The following CRACD variants were observed in gnomAD, a reference collection of about 807,000 sequenced individuals.
CRACD encodes the protein capping protein inhibiting regulator of actin dynamics, also known as capping protein-inhibiting regulator of actin dynamics.
CRACD carries 56 observed loss-of-function variants against 106.8 expected under a neutral mutation model. The ratio of observed to expected loss-of-function variants is 0.52; its 90% confidence interval spans 0.42 to 0.66. The LOEUF (loss-of-function observed/expected upper bound fraction) is 0.66, where lower values mean the gene tolerates loss of function less well. CRACD is among the 30% of genes least tolerant of loss of function. The probability of loss-of-function intolerance (pLI) is 0.00; values close to 1 mark genes in which losing one functional copy is unlikely to be tolerated. For synonymous variants in CRACD, 754 were observed against 670.8 expected, an observed-to-expected ratio of 1.12 and a Z score of -1.92; for missense variants, 1,730 against 1,623.2, an observed-to-expected ratio of 1.07 and a Z score of -1.13.
At chr4:56,324,638 G>A (rs1746314055) in intron 10 of CRACD, among the ~76,000 whole-genome samples, 1 of 152,194 alleles carries the variant, frequency 6.6e-6, no homozygotes, top group Admixed American at 6.5e-5. Context: ...GGCAGTATGA[G>A]CCATCTCCAG....
rs531442625 is a variant in CRACD, at chr4:56,086,740, C to T, written c.-336+37441C>T. On this transcript the variant is annotated intron_variant, in intron 1 of 10. Transcript: ENST00000682029. ...AGTGAGTTTCCTCTTATCGTTTCTC[C>T]ATGGAGGCTGTTGGCTGGTGAAGTT... Among the ~76,000 whole-genome samples the T allele has an allele frequency of 2.6e-5, 4 of 152,288 alleles. No individual in the cohort carries two copies. In the East Asian group the frequency reaches 7.7e-4, roughly 29 times the overall value.
rs568052557 is a variant in CRACD, at chr4:56,053,751, A to G, written c.-336+4452A>G. Among the ~76,000 whole-genome samples the G allele has an allele frequency of 1.3e-3, 194 of 152,316 alleles. 1 individual carries two copies. Among genetic ancestry groups the G allele is most frequent in the African/African-American group, 4.4e-3 (182 of 41,572 alleles). On this transcript the variant is annotated intron_variant, in intron 1 of 10. Transcript: ENST00000682029. Reference sequence around the variant, plus strand: ...TGTTGAATTAAGGTTAGTGTTTTCAAAGCTGACAATTTAAAAATCTGAATT... The same window carrying G: ...TGTTGAATTAAGGTTAGTGTTTTCAGAGCTGACAATTTAAAAATCTGAATT...
rs561441482 is a variant in CRACD, at chr4:56,073,781, G to A, written c.-336+24482G>A. On this transcript the variant is annotated intron_variant, in intron 1 of 10. Coordinates refer to ENST00000682029, the MANE Select transcript of CRACD (RefSeq NM_001393381.1). ...TTTTAGTCATGAAGCCTTTGCCCATGCCTATGTCCTGAATGGTATTGCCCA... is the reference window on the plus strand; with the variant it reads ...TTTTAGTCATGAAGCCTTTGCCCATACCTATGTCCTGAATGGTATTGCCCA... Among the ~76,000 whole-genome samples, 661 of 130,318 alleles carry A rather than the reference G, an allele frequency of 5.1e-3. 4 individuals carry two copies. Among genetic ancestry groups the A allele is most frequent in the African/African-American group, 0.02 (621 of 31,450 alleles). 85.5% of individuals were successfully genotyped at this position (130,318 alleles called of 152,430 possible). A position where few individuals can be genotyped will look rare whatever the true frequency, so the allele number is the denominator to read the frequency against.
intron 1 of CRACD, among the ~76,000 whole-genome samples, chr4:56,168,970 C>T (rs918037811): frequency 4.6e-5 from 7 of 152,164 alleles, no homozygotes; most frequent in African/African-American, 1.7e-4. Context: ...CAGCAACAAA[C>T]TTCACAAGCC....
intron 1 of CRACD, among the ~76,000 whole-genome samples, chr4:56,113,506 G>T (rs1734185633): frequency 2.0e-5 from 3 of 152,156 alleles, no homozygotes; most frequent in Non-Finnish European, 2.9e-5. Context: ...GCCATGGGAA[G>T]ATACTTCTCC....
Position 56,188,709 on chromosome 4 carries a change from C to G in CRACD, c.-189+9279C>G, listed in dbSNP as rs867202646. ...TCTCACACACACACACACACACACA[C>G]ACAGAGAGAGAGAGAGAGAGAGAGA... is the stretch of plus-strand genomic sequence containing the variant. On this transcript the variant is annotated intron_variant, in intron 2 of 10. Coordinates refer to ENST00000682029, the MANE Select transcript of CRACD (RefSeq NM_001393381.1). Among the ~76,000 whole-genome samples, 985 of 129,680 alleles carry G rather than the reference C, an allele frequency of 7.6e-3. 9 individuals carry two copies. Among genetic ancestry groups the G allele is most frequent in the African/African-American group, 0.029 (869 of 29,994 alleles). The allele number at this position is 129,680 out of a possible 152,430, so 85.1% of individuals were successfully genotyped here.
intron 8 of CRACD, 64 bp from the exon 9 acceptor site, chr4:56,323,313 G>A (rs1198353819): frequency 1.1e-5 from 16 of 1,403,910 alleles, no homozygotes; most frequent in Middle Eastern, 1.8e-4. Context: ...TTTAGGGGGT[G>A]AGGAACTGAG....
At chr4:56,284,821 T>C (rs1307162663) in intron 3 of CRACD, among the ~76,000 whole-genome samples, 1 of 152,190 alleles carries the variant, frequency 6.6e-6, no homozygotes, top group Non-Finnish European at 1.5e-5. Context: ...TTGATTACAG[T>C]AACCGTAAGG....
chr4:56,276,009 AT>A (rs1742652160), intron 3 of CRACD, among the ~76,000 whole-genome samples: 1 of 152,198 alleles, frequency 6.6e-6, no homozygotes, highest in Non-Finnish European at 1.5e-5. Flanking sequence ...ATGACTGAGA[AT>A]AGCTCCTTAT....
In CRACD at chr4:56,250,803, A is replaced by G. The variant is rs76848529; in HGVS notation, c.-188-21518A>G. Among the ~76,000 whole-genome samples, 747 of 152,316 alleles carry G rather than the reference A, an allele frequency of 4.9e-3. 8 individuals carry two copies. Among genetic ancestry groups the G allele is most frequent in the African/African-American group, 0.017 (714 of 41,574 alleles). On this transcript the variant is annotated intron_variant, in intron 2 of 10. Coordinates refer to ENST00000682029, the MANE Select transcript of CRACD (RefSeq NM_001393381.1). ...ACATGTAAAACTTTAAGCCTGGCAC[A>G]TGGCCTAAGTTTAATACAGTATACT...
In CRACD at chr4:56,315,753, C is replaced by T; in HGVS notation, c.2251C>T (p.Leu751=). The change falls in exon 8 of 11, where the codon CTG becomes TTG. Residue 751 remains leucine (L), a synonymous_variant. Transcript: ENST00000682029. The surrounding 1 kb of genome is among the most constrained non-coding windows in gnomAD (Gnocchi z 4.1). The part of the protein sequence containing the change: ...EAESIRKRPM[L]GPSEETAPQP... ...TGAAAGCATACGAAAAAGACCCATG[C>T]TGGGACCCAGCGAAGAGACAGCCCC... The T allele has an allele frequency of 6.2e-7, 1 of 1,614,230 alleles. No individual in the cohort carries two copies. The highest frequency in any genetic ancestry group is 1.3e-5 in the African/African-American group (1 of 75,064).
At chr4:56,263,537 T>C (rs1346386307) in intron 2 of CRACD, among the ~76,000 whole-genome samples, 1 of 152,144 alleles carries the variant, frequency 6.6e-6, no homozygotes, top group African/African-American at 2.4e-5. Flanking sequence ...CATATTGCCT[T>C]CCCTCAGTGT....
chr4:56,220,485 G>A (rs887515111), intron 2 of CRACD, among the ~76,000 whole-genome samples: 6 of 152,132 alleles, frequency 3.9e-5, no homozygotes, highest in Non-Finnish European at 8.8e-5. Context: ...CTGGAAGAAC[G>A]GTACAAGCCT....
At chr4:56,270,977 C>G (rs866356632) in intron 2 of CRACD, among the ~76,000 whole-genome samples, 3 of 151,660 alleles carry the variant, frequency 2.0e-5, no homozygotes, top group Non-Finnish European at 2.9e-5. Context: ...TGGTGGCAGG[C>G]GCCTGTGATC....
At chr4:56,174,047 A>G (rs1736485051) in intron 1 of CRACD, among the ~76,000 whole-genome samples, 1 of 152,246 alleles carries the variant, frequency 6.6e-6, no homozygotes, top group Non-Finnish European at 1.5e-5. Context: ...TCCTTTGTCC[A>G]TTAAATAAAT....
intron 1 of CRACD, among the ~76,000 whole-genome samples, chr4:56,091,086 T>G (rs1733409775): frequency 6.6e-6 from 1 of 152,086 alleles, no homozygotes; most frequent in Admixed American, 6.5e-5. Flanking sequence ...GGGGTCTATC[T>G]CTGTTGCCCA....
intron 2 of CRACD, among the ~76,000 whole-genome samples, chr4:56,259,010 C>T (rs6842825): frequency 0.091 from 13,902 of 152,144 alleles, 1,534 homozygotes; most frequent in East Asian, 0.52. Context: ...CAGATTCAGT[C>T]GCTCACACTC....
At chr4:56,221,331 GA>G (rs1350627429) in intron 2 of CRACD, among the ~76,000 whole-genome samples, 2 of 151,934 alleles carry the variant, frequency 1.3e-5, no homozygotes, top group Non-Finnish European at 2.9e-5. Context: ...TTATTAAGGG[GA>G]AAAAAGAATA....
chr4:56,261,890 G>C (rs920610893), intron 2 of CRACD, among the ~76,000 whole-genome samples: 3 of 152,086 alleles, frequency 2.0e-5, no homozygotes, highest in African/African-American at 4.8e-5. Context: ...GGTGCATATA[G>C]TCAGCTCTGC....
Sources: allele counts gnomAD v4.1 joint callset (sites outside exome capture counted in the v4.1 genomes callset), GRCh38; gene constraint gnomAD v4.1.1; non-coding constraint Gnocchi (gnomAD v3.1); transcripts MANE v1.5; gene names NCBI Gene and HGNC (gene_info 2026-07-23, HGNC 2026-07-21).